TCF12: variants seen among roughly 807,000 people sequenced by gnomAD.
TCF12 encodes the protein DNA-binding protein HTF4.
In TCF12, 45 loss-of-function variants were observed where a neutral mutation model predicts 86.0. That is an observed-to-expected ratio of 0.52 (90% CI 0.41 to 0.67). The LOEUF is 0.67. Ranked by LOEUF, TCF12 falls within the 30% of genes least tolerant of loss-of-function variation. The pLI is 0.00. For missense variants in TCF12, 881 were observed against 859.9 expected, an observed-to-expected ratio of 1.02 and a Z score of -0.31; for synonymous variants, 330 against 299.6, an observed-to-expected ratio of 1.10 and a Z score of -1.05.
At chr15:57,254,667 C>T (rs1288121375) in intron 16 of TCF12, among the ~76,000 whole-genome samples, 5 of 151,682 alleles carry the variant, frequency 3.3e-5, no homozygotes, top group Non-Finnish European at 7.4e-5. Context: ...CTAGTCTGGG[C>T]AACAAAGTGA....
chr15:57,096,121 A>G (rs2049304503), intron 5 of TCF12, among the ~76,000 whole-genome samples: 1 of 152,172 alleles, frequency 6.6e-6, no homozygotes, highest in Admixed American at 6.5e-5. Flanking sequence ...TTAAACCATG[A>G]TTATGGAGAC....
chr15:57,214,488 G>A (rs1291823068), intron 8 of TCF12: 1 of 152,104 alleles, frequency 6.6e-6, no homozygotes, highest in African/African-American at 2.4e-5. Flanking sequence ...GTTTACAGAG[G>A]TGATTGTTTC....
chr15:57,082,696 G>A (rs140784902), intron 4 of TCF12, among the ~76,000 whole-genome samples: 56 of 152,288 alleles, frequency 3.7e-4, no homozygotes, highest in Non-Finnish European at 5.3e-4. Context: ...TGCAGCAAGA[G>A]ATATGAGACT....
intron 3 of TCF12, among the ~76,000 whole-genome samples, chr15:57,057,519 C>G (rs2068121529): frequency 6.6e-6 from 1 of 152,180 alleles, no homozygotes; most frequent in Admixed American, 6.5e-5. Flanking sequence ...TTTGTTTACT[C>G]CCCAGAGCCT....
intron 3 of TCF12, among the ~76,000 whole-genome samples, chr15:56,994,852 G>A (rs941400150): frequency 3.3e-5 from 5 of 152,168 alleles, no homozygotes; most frequent in Admixed American, 2.0e-4. Flanking sequence ...TATATCAGAA[G>A]AAAACTTGAC....
intron 4 of TCF12, among the ~76,000 whole-genome samples, chr15:57,075,858 TCTTTCCA>T: frequency 7.3e-6 from 1 of 137,500 alleles, no homozygotes; most frequent in East Asian, 2.4e-4. Flanking sequence ...TTTCTTTCTT[TCTTTCCA>T]TTCTTTTTTT....
chr15:57,197,334 T>C (rs539535202), intron 7 of TCF12, among the ~76,000 whole-genome samples: 1 of 151,992 alleles, frequency 6.6e-6, no homozygotes, highest in East Asian at 1.9e-4. Context: ...TTTTTTTGTA[T>C]TTTTAGTAGA....
intron 6 of TCF12, among the ~76,000 whole-genome samples, chr15:57,177,782 G>A (rs953647194): frequency 6.6e-5 from 10 of 151,890 alleles, no homozygotes; most frequent in Middle Eastern, 3.2e-3. Context: ...GTGCAGTGGC[G>A]TGATCACAGC....
chr15:57,052,016 C>T (rs777243471), intron 3 of TCF12, among the ~76,000 whole-genome samples: 1 of 152,106 alleles, frequency 6.6e-6, no homozygotes, highest in Non-Finnish European at 1.5e-5. Flanking sequence ...GACTTTATGT[C>T]TGGACCATAC....
At chr15:57,231,409 G>T (rs958871732) in intron 9 of TCF12, 152 bp downstream of exon 9, 6 of 598,416 alleles carry the variant, frequency 1.0e-5, no homozygotes, top group Non-Finnish European at 1.2e-5. Context: ...ATTTTCCAGT[G>T]GTGTTTATTG....
chr15:57,149,546 A>C (rs2053596269), intron 5 of TCF12, among the ~76,000 whole-genome samples: 1 of 152,234 alleles, frequency 6.6e-6, no homozygotes, highest in African/African-American at 2.4e-5. Context: ...AGTATTTTAG[A>C]AATAAAACAT....
At chr15:57,154,918 AAAT>A (rs1858043360) in intron 5 of TCF12, among the ~76,000 whole-genome samples, 1 of 152,188 alleles carries the variant, frequency 6.6e-6, no homozygotes, top group Non-Finnish European at 1.5e-5. Flanking sequence ...TTCAGTTCAA[AAAT>A]AATAACTAAA....
rs562789704 is a variant in TCF12, at chr15:57,162,840, T to A, written c.326-3562T>A. ...TTTTTCCACTTCAACTTTTTTTTTT[T>A]AAAGAGTTCTTACTAGGACATTTGA... On this transcript the variant is annotated intron_variant, in intron 5 of 20. Transcript: ENST00000333725. Among the ~76,000 whole-genome samples, 234 of 152,136 alleles carry A rather than the reference T, an allele frequency of 1.5e-3. 1 individual carries two copies. Among genetic ancestry groups the A allele is most frequent in the African/African-American group, 5.4e-3 (224 of 41,494 alleles).
intron 5 of TCF12, among the ~76,000 whole-genome samples, chr15:57,100,445 T>G (rs1232501148): frequency 1.4e-5 from 2 of 145,038 alleles, no homozygotes; most frequent in South Asian, 4.4e-4. Context: ...TTTTTTTTAG[T>G]AGAGATGAGG....
chr15:57,232,866 T>C lies in TCF12; in HGVS notation c.970+10T>C. ...TCAGACAGCATTCTAGGTGAGCTTT[T>C]TGAGTTGGCAAAACTTCCTAAAAGT... On this transcript the variant is annotated intron_variant, in intron 11 of 20. Transcript: ENST00000333725. 2 of 1,538,152 alleles carry C rather than the reference T, an allele frequency of 1.3e-6. No individual in the cohort carries two copies. The highest frequency in any genetic ancestry group is 1.7e-6 in the Non-Finnish European group (2 of 1,143,128).
intron 3 of TCF12, among the ~76,000 whole-genome samples, chr15:57,037,307 T>C (rs1043444561): frequency 2.6e-5 from 4 of 151,934 alleles, no homozygotes; most frequent in Non-Finnish European, 5.9e-5. Flanking sequence ...TGGGTGTGGT[T>C]CCTCACGCCT....
chr15:56,965,227 A>G (rs925991511), intron 3 of TCF12, among the ~76,000 whole-genome samples: 1 of 152,136 alleles, frequency 6.6e-6, no homozygotes, highest in Non-Finnish European at 1.5e-5. Context: ...TGTATTAATT[A>G]TATTATGCTC....
intron 3 of TCF12, among the ~76,000 whole-genome samples, chr15:57,060,570 G>A (rs1457957709): frequency 6.6e-6 from 1 of 152,132 alleles, no homozygotes; most frequent in Admixed American, 6.5e-5. Flanking sequence ...TCTTACATCT[G>A]CCATTTTGGT....
intron 3 of TCF12, among the ~76,000 whole-genome samples, chr15:57,036,190 T>G (rs2066496789): frequency 6.6e-6 from 1 of 152,034 alleles, no homozygotes; most frequent in Non-Finnish European, 1.5e-5. Context: ...CTAAATGTGG[T>G]GTGGAATTAG....
Sources: allele counts gnomAD v4.1 joint callset (sites outside exome capture counted in the v4.1 genomes callset), GRCh38; gene constraint gnomAD v4.1.1; transcripts MANE v1.5; gene names NCBI Gene and HGNC (gene_info 2026-07-23, HGNC 2026-07-21).